Variants in IGDCC3 observed in about 807,000 individuals in gnomAD.
IGDCC3 encodes putative neuronal cell adhesion molecule.
IGDCC3 carries 47 observed loss-of-function variants against 72.0 expected under a neutral mutation model. The observed-to-expected ratio is 0.65, with a 90% CI of 0.52 to 0.83. IGDCC3 has a LOEUF of 0.83. Among genes scored for constraint, IGDCC3 ranks in the 40% least tolerant of loss-of-function variants. IGDCC3 has a pLI of 0.00. For synonymous variants in IGDCC3, 477 were observed against 472.8 expected (o/e 1.01, Z -0.11); for missense variants, 1,038 against 1,091.3 (o/e 0.95, Z 0.69).
At chr15:65,349,925 G>A (rs944763106) in intron 2 of IGDCC3, among the ~76,000 whole-genome samples, 84 of 152,120 alleles carry the variant, frequency 5.5e-4, no homozygotes, top group African/African-American at 1.0e-3. Context: ...GGTGGTCTGG[G>A]TTCAGTTCCC....
At chr15:65,367,277 G>T (rs2091292701) in intron 2 of IGDCC3, among the ~76,000 whole-genome samples, 1 of 150,892 alleles carries the variant, frequency 6.6e-6, no homozygotes, top group Admixed American at 6.6e-5. Context: ...ACCCCAGGAG[G>T]CGGAGGTTGC....
intron 2 of IGDCC3, among the ~76,000 whole-genome samples, chr15:65,368,105 T>A (rs2091299262): frequency 6.6e-6 from 1 of 151,724 alleles, no homozygotes; most frequent in Admixed American, 6.6e-5. Context: ...CTACGTTTAT[T>A]GAAAGCTATG....
intron 2 of IGDCC3, among the ~76,000 whole-genome samples, chr15:65,369,581 C>T (rs1253355424): frequency 6.6e-6 from 1 of 152,154 alleles, no homozygotes; most frequent in Non-Finnish European, 1.5e-5. Flanking sequence ...GCTTCCTGTC[C>T]TAATGGACAG....
At chr15:65,350,179 G>A (rs574276352) in intron 2 of IGDCC3, among the ~76,000 whole-genome samples, 3 of 151,898 alleles carry the variant, frequency 2.0e-5, no homozygotes, top group South Asian at 2.1e-4. Context: ...TTGTCCAGTC[G>A]GGAGTGCAGT....
chr15:65,366,034 C>A (rs916553162), intron 2 of IGDCC3, among the ~76,000 whole-genome samples: 1 of 152,046 alleles, frequency 6.6e-6, no homozygotes, highest in Non-Finnish European at 1.5e-5. Context: ...ATGGTGAAAC[C>A]CAGTATCCAC....
At chr15:65,340,742 G>GT (rs1293188603) in intron 2 of IGDCC3, among the ~76,000 whole-genome samples, 3 of 151,898 alleles carry the variant, frequency 2.0e-5, no homozygotes, top group Middle Eastern at 3.2e-3. Flanking sequence ...TTTTTCTTTT[G>GT]TTTTTTGAGA....
intron 2 of IGDCC3, among the ~76,000 whole-genome samples, chr15:65,360,476 A>C (rs188770286): frequency 1.5e-4 from 23 of 152,394 alleles, no homozygotes; most frequent in Admixed American, 1.2e-3. Context: ...TCTAAGGTAC[A>C]GGAGAATTGG....
At chr15:65,363,521 G>A (rs962021929) in intron 2 of IGDCC3, among the ~76,000 whole-genome samples, 2 of 152,206 alleles carry the variant, frequency 1.3e-5, no homozygotes, top group South Asian at 2.1e-4. Context: ...CCCCGTGGGC[G>A]TGTAATTCCA....
intron 5 of IGDCC3, chr15:65,334,515 G>T: frequency 3.7e-6 from 2 of 546,514 alleles, no homozygotes; most frequent in Non-Finnish European, 3.2e-6. Flanking sequence ...AGCCATCCCT[G>T]CAGGGATGAG....
intron 2 of IGDCC3, among the ~76,000 whole-genome samples, chr15:65,370,363 A>C (rs1430630435): frequency 1.3e-5 from 2 of 151,502 alleles, no homozygotes; most frequent in African/African-American, 4.9e-5. Context: ...AAAATATAAA[A>C]ATTAGCCTGG....
rs116680463 is a variant in IGDCC3, at chr15:65,372,220, G to A, written c.409+2877C>T. On this transcript the variant is annotated intron_variant, in intron 2 of 13. Coordinates refer to ENST00000327987, the MANE Select transcript of IGDCC3 (RefSeq NM_004884.4). ...GTGGGGTGTGCTGGTCCTCACAGCC[G>A]CCCTACCAGGCAGGATCACATGCAC... Among the ~76,000 whole-genome samples the A allele has an allele frequency of 2.4e-3, 362 of 152,238 alleles. 1 individual carries two copies. Among genetic ancestry groups the A allele is most frequent in the African/African-American group, 8.3e-3 (344 of 41,538 alleles).
Position 65,377,675 on chromosome 15 carries a change from CT to C in IGDCC3, c.103+10del. ...GTCCGCAACCGCCCGGTCCGGGGCG[CT>C]TTCACTCACCCTCGCTCGGCGCGGG... On this transcript the variant is annotated intron_variant, in intron 1 of 13. Transcript: ENST00000327987. The surrounding 1 kb of genome is among the most constrained non-coding windows in gnomAD (Gnocchi z 4.9). 1.4e-6 allele frequency: 2 copies of C among 1,448,564 alleles called. No homozygotes were observed. Among genetic ancestry groups the C allele is most frequent in the South Asian group, 2.8e-5 (2 of 70,950 alleles). The allele number at this position is 1,448,564 out of a possible 1,614,324, so 89.7% of individuals were successfully genotyped here. A position where few individuals can be genotyped will look rare whatever the true frequency, so the allele number is the denominator to read the frequency against.
In IGDCC3 at chr15:65,349,068, T is replaced by C. The variant is rs188752964; in HGVS notation, c.410-13112A>G. Among the ~76,000 whole-genome samples the C allele has an allele frequency of 1.1e-4, 17 of 152,320 alleles. No homozygotes were observed. The East Asian group carries it at 3.3e-3, about 29-fold the overall frequency. ...CCACAGGCGATGCTTTTCTTTCTCT[T>C]TCTTATCTTTTCTATTACTCAGGGC... On this transcript the variant is annotated intron_variant, in intron 2 of 13. Coordinates refer to ENST00000327987, the MANE Select transcript of IGDCC3 (RefSeq NM_004884.4).
Position 65,329,835 on chromosome 15 carries a change from C to T in IGDCC3, c.1888G>A (p.Glu630Lys). The T allele has an allele frequency of 6.2e-7, 1 of 1,614,092 alleles. No homozygotes were observed. Among genetic ancestry groups the T allele is most frequent in the Non-Finnish European group, 8.5e-7 (1 of 1,180,028 alleles). ...ALSPPCDCRKEEAANQTSTTG... is the reference protein window; with the variant it reads ...ALSPPCDCRKKEAANQTSTTG... ...GTGGACGTCTGGTTGGCGGCCTCCT[C>T]CTTCCGGCAGTCACATGGTGGGCTC... The change falls in exon 12 of 14, where the codon GAG becomes AAG. Residue 630 changes from glutamate to lysine, a missense_variant. Coordinates refer to ENST00000327987, the MANE Select transcript of IGDCC3 (RefSeq NM_004884.4). This position sits in a 1 kb window ranked among gnomAD's most constrained non-coding sequence, Gnocchi z 4.1.
In IGDCC3 at chr15:65,329,934, G is replaced by A; in HGVS notation, c.1859-70C>T. On this transcript the variant is annotated intron_variant, in intron 11 of 13. Coordinates refer to ENST00000327987, the MANE Select transcript of IGDCC3 (RefSeq NM_004884.4). This position sits in a 1 kb window ranked among gnomAD's most constrained non-coding sequence, Gnocchi z 4.1. ...AGCACTCCCAAACACCCAGCCTCTG[G>A]GGACTCCTCTTCCTTCAGCTGCTCC... 1 of 1,551,058 alleles carries A rather than the reference G, an allele frequency of 6.4e-7. No individual in the cohort carries two copies. Among genetic ancestry groups the A allele is most frequent in the Non-Finnish European group, 8.9e-7 (1 of 1,128,104 alleles).
chr15:65,352,933 T>C (rs955820407), intron 2 of IGDCC3, among the ~76,000 whole-genome samples: 1 of 152,228 alleles, frequency 6.6e-6, no homozygotes, highest in African/African-American at 2.4e-5. Flanking sequence ...ACTCTGCTTA[T>C]TCCTGTGAAC....
In IGDCC3 at chr15:65,329,617, T is replaced by C; in HGVS notation, c.1998-20A>G. The C allele has an allele frequency of 6.2e-7, 1 of 1,612,856 alleles. No homozygotes were observed. The highest frequency in any genetic ancestry group is 8.5e-7 in the Non-Finnish European group (1 of 1,179,414). On this transcript the variant is annotated intron_variant, in intron 12 of 13. Transcript: ENST00000327987. The surrounding 1 kb of genome is among the most constrained non-coding windows in gnomAD (Gnocchi z 4.1). Reference sequence around the variant, plus strand: ...AGGACCCTAAGGGTTAGCCAAGAGTTGGGGGGAGGGAGAGAGAAAAGAGAC... The same window carrying C: ...AGGACCCTAAGGGTTAGCCAAGAGTCGGGGGGAGGGAGAGAGAAAAGAGAC...
At chr15:65,372,524 T>C (rs1445317591) in intron 2 of IGDCC3, among the ~76,000 whole-genome samples, 1 of 152,100 alleles carries the variant, frequency 6.6e-6, no homozygotes, top group Admixed American at 6.5e-5. Context: ...AGGGCGTGCA[T>C]TTCCAACCAT....
intron 2 of IGDCC3, among the ~76,000 whole-genome samples, chr15:65,340,876 G>A (rs577061227): frequency 3.3e-5 from 5 of 152,204 alleles, no homozygotes; most frequent in South Asian, 2.1e-4. Context: ...CTACAGGCAC[G>A]CACCACCATG....
Sources: gnomAD v4.1 joint callset for allele counts (sites outside exome capture counted in the v4.1 genomes callset) on GRCh38, gnomAD v4.1.1 for gene constraint, Gnocchi (gnomAD v3.1) non-coding constraint, MANE v1.5 for transcripts, NCBI Gene and HGNC (gene_info 2026-07-23, HGNC 2026-07-21) for gene names.